Variants in PITPNC1 observed in about 807,000 individuals in gnomAD.
PITPNC1 encodes phosphatidylinositol transfer protein cytoplasmic 1.
PITPNC1 carries 18 observed loss-of-function variants against 44.7 expected under a neutral mutation model. That is an observed-to-expected ratio of 0.40 (90% CI 0.28 to 0.60). PITPNC1 has a LOEUF of 0.60. PITPNC1 is among the 20% of genes least tolerant of loss of function. The pLI, the probability that PITPNC1 is intolerant of heterozygous loss-of-function variation, is 0.39. For synonymous variants in PITPNC1, 141 were observed against 149.6 expected, an observed-to-expected ratio of 0.94 and a Z score of 0.42; for missense variants, 290 against 418.4, an observed-to-expected ratio of 0.69 and a Z score of 2.68.
At chr17:67,393,768 C>T (rs2038173252) in intron 1 of PITPNC1, among the ~76,000 whole-genome samples, 2 of 152,150 alleles carry the variant, frequency 1.3e-5, no homozygotes, top group Admixed American at 1.3e-4. Context: ...TGACTAAAGA[C>T]AGTGCTGTAG....
chr17:67,430,105 A>G (rs1454818515), intron 1 of PITPNC1, among the ~76,000 whole-genome samples: 1 of 152,270 alleles, frequency 6.6e-6, no homozygotes, highest in Non-Finnish European at 1.5e-5. Flanking sequence ...AGGTATAGCA[A>G]TAAGGTTTAT....
At chr17:67,571,833 A>C (rs916459911) in intron 4 of PITPNC1, among the ~76,000 whole-genome samples, 1 of 152,146 alleles carries the variant, frequency 6.6e-6, no homozygotes, top group East Asian at 1.9e-4. Flanking sequence ...TCTTTTTGCT[A>C]TCAATCAAAA....
chr17:67,659,876 T>C (rs1020637552), intron 6 of PITPNC1, among the ~76,000 whole-genome samples: 2 of 152,084 alleles, frequency 1.3e-5, no homozygotes, highest in South Asian at 2.1e-4. Context: ...CATAAATCTT[T>C]TTTTGTTTTT....
chr17:67,684,138 G>T (rs1332164285), intron 8 of PITPNC1, among the ~76,000 whole-genome samples: 3 of 142,652 alleles, frequency 2.1e-5, no homozygotes, highest in Admixed American at 7.1e-5. Context: ...TTGAGACAGA[G>T]TCTTGCTCTG....
chr17:67,438,206 A>T (rs1450235250), intron 1 of PITPNC1, among the ~76,000 whole-genome samples: 1 of 151,898 alleles, frequency 6.6e-6, no homozygotes, highest in African/African-American at 2.4e-5. Flanking sequence ...CAGCACATAG[A>T]CCTCTAGTCA....
chr17:67,502,065 CGTT>C (rs1482580764), intron 1 of PITPNC1, among the ~76,000 whole-genome samples: 1 of 152,146 alleles, frequency 6.6e-6, no homozygotes, highest in Non-Finnish European at 1.5e-5. Context: ...GTTTGGGAGG[CGTT>C]AACCATTCAC....
chr17:67,531,246 C>T (rs62084138), intron 1 of PITPNC1, among the ~76,000 whole-genome samples: 3,784 of 151,834 alleles, frequency 0.025, 63 homozygotes, highest in South Asian at 0.041. Context: ...CTGTCTCAAA[C>T]AAACAAAAAA....
intron 1 of PITPNC1, among the ~76,000 whole-genome samples, chr17:67,454,301 CTG>C (rs932693023): frequency 2.0e-5 from 3 of 151,668 alleles, no homozygotes; most frequent in Non-Finnish European, 2.9e-5. Context: ...GGGTAAGACT[CTG>C]GGGTCTGAAT....
intron 6 of PITPNC1, among the ~76,000 whole-genome samples, chr17:67,659,362 TCTCAGCTGAGATGG>T (rs759012329): frequency 1.3e-5 from 2 of 152,182 alleles, no homozygotes; most frequent in Non-Finnish European, 2.9e-5. Flanking sequence ...CTCAACGTGG[TCTCAGCTGAGATGG>T]CTGGAGCATC....
intron 2 of PITPNC1, among the ~76,000 whole-genome samples, chr17:67,549,252 A>C (rs1315706342): frequency 6.6e-6 from 1 of 152,096 alleles, no homozygotes; most frequent in Non-Finnish European, 1.5e-5. Flanking sequence ...TCAGGAGTTC[A>C]AGACCAGCCT....
chr17:67,397,114 G>A (rs1185023124), intron 1 of PITPNC1, among the ~76,000 whole-genome samples: 1 of 152,098 alleles, frequency 6.6e-6, no homozygotes, highest in African/African-American at 2.4e-5. Flanking sequence ...CCAAGTAGCT[G>A]GGATTACAGG....
At chr17:67,451,932 G>A (rs916697964) in intron 1 of PITPNC1, among the ~76,000 whole-genome samples, 1 of 151,882 alleles carries the variant, frequency 6.6e-6, no homozygotes, top group African/African-American at 2.4e-5. Flanking sequence ...CACCACGCCT[G>A]GCCGAGACTG....
At chr17:67,649,778 A>G (rs2042189392) in intron 6 of PITPNC1, among the ~76,000 whole-genome samples, 1 of 152,038 alleles carries the variant, frequency 6.6e-6, no homozygotes, top group African/African-American at 2.4e-5. Context: ...CTCCTTCCTC[A>G]GGCTCAATAA....
At chr17:67,612,672 C>CGGATGGATGGAT (rs61521480) in intron 5 of PITPNC1, 27 of 147,352 alleles carry the variant, frequency 1.8e-4, no homozygotes, top group African/African-American at 6.0e-4. Context: ...GATGGATGGG[C>CGGATGGATGGAT]GGATGGATGG....
At position 67,494,161 on chromosome 17, in the gene PITPNC1, C is replaced by CTCTTTCTT. The variant is rs1555657746; in HGVS notation, c.49-38623_49-38616dup. ...TTTTTCCACTAACAATATGTGTAACCTCTTTCTTTCTTTCTTTCTTTCTTT... is the reference window on the plus strand; with the variant it reads ...TTTTTCCACTAACAATATGTGTAACCTCTTTCTTTCTTTCTTTCTTTCTTTCTTTCTTT... On this transcript the variant is annotated intron_variant, in intron 1 of 8. Transcript: ENST00000581322. 9.6e-4 allele frequency among the ~76,000 whole-genome samples: 100 copies of CTCTTTCTT among 103,954 alleles called. 2 individuals carry two copies. Among genetic ancestry groups the CTCTTTCTT allele is most frequent in the East Asian group, 3.5e-3 (13 of 3,730 alleles). 68.2% of individuals were successfully genotyped at this position (103,954 alleles called of 152,430 possible).
At chr17:67,468,593 C>T (rs140671321) in intron 1 of PITPNC1, among the ~76,000 whole-genome samples, 51 of 150,838 alleles carry the variant, frequency 3.4e-4, no homozygotes, top group African/African-American at 1.2e-3. Context: ...TTAGTAGAGA[C>T]GGGGTTTCAC....
intron 5 of PITPNC1, among the ~76,000 whole-genome samples, chr17:67,599,066 C>T (rs868322177): frequency 1.8e-4 from 18 of 102,018 alleles, no homozygotes; most frequent in Non-Finnish European, 6.0e-5. Flanking sequence ...CCATGTTGGC[C>T]AGGCTGGTCT....
chr17:67,486,782 T>G (rs1318519742), intron 1 of PITPNC1, among the ~76,000 whole-genome samples: 1 of 152,142 alleles, frequency 6.6e-6, no homozygotes, highest in Non-Finnish European at 1.5e-5. Flanking sequence ...TCTCTTGCCT[T>G]TCAGGGTGTC....
At position 67,552,334 on chromosome 17, in the gene PITPNC1, A is replaced by G; in HGVS notation, c.275A>G (p.Tyr92Cys). ...VTEKAWNYYP[Y>C]TITEYTCSFL... ...GAGAAGGCTTGGAACTATTATCCCTACACAATTACAGGTAAGTCCTTAGTA... is the reference window on the plus strand; with the variant it reads ...GAGAAGGCTTGGAACTATTATCCCTGCACAATTACAGGTAAGTCCTTAGTA... The change falls in exon 3 of 9, where the codon TAC (tyrosine) becomes TGC (cysteine). Residue 92 changes from tyrosine (Y) to cysteine (C), a missense_variant. Physicochemically the swap from Tyr to Cys is radical, Grantham distance 194 (BLOSUM62 -2). Coordinates refer to ENST00000581322, the MANE Select transcript of PITPNC1 (RefSeq NM_012417.4). The G allele has an allele frequency of 6.4e-7, 1 of 1,556,792 alleles. No individual in the cohort carries two copies. Among genetic ancestry groups the G allele is most frequent in the Non-Finnish European group, 8.9e-7 (1 of 1,127,742 alleles).
Sources: gnomAD v4.1 joint callset for allele counts (sites outside exome capture counted in the v4.1 genomes callset) on GRCh38, gnomAD v4.1.1 for gene constraint, MANE v1.5 for transcripts, NCBI Gene and HGNC (gene_info 2026-07-23, HGNC 2026-07-21) for gene names.